The following MCTP1 variants were observed in gnomAD, a reference collection of about 807,000 sequenced individuals.
MCTP1 encodes multiple C2 and transmembrane domain-containing protein 1.
Under a neutral mutation model 120.6 loss-of-function variants are expected in MCTP1, and 69 were observed. The observed-to-expected ratio is 0.57, with a 90% CI of 0.47 to 0.70. The LOEUF is 0.70. Ranked by LOEUF, MCTP1 falls within the 30% of genes least tolerant of loss-of-function variation. The pLI, the probability that MCTP1 is intolerant of heterozygous loss-of-function variation, is 0.00. For missense variants in MCTP1, 1,203 were observed against 1,248.8 expected (o/e 0.96, Z 0.55); for synonymous variants, 529 against 493.1 (o/e 1.07, Z -0.96).
chr5:95,231,465 G>A (rs1364953882), intron 1 of MCTP1, among the ~76,000 whole-genome samples: 1 of 152,106 alleles, frequency 6.6e-6, no homozygotes, highest in East Asian at 1.9e-4. Flanking sequence ...TCTATGATGT[G>A]AATCTATAGT....
At chr5:94,782,703 T>TCA (rs1776818048) in intron 18 of MCTP1, among the ~76,000 whole-genome samples, 1 of 152,040 alleles carries the variant, frequency 6.6e-6, no homozygotes, top group Non-Finnish European at 1.5e-5. Context: ...TCTTTCCTCT[T>TCA]CAAATAAAAC....
At chr5:94,955,506 A>G (rs74890423) in intron 2 of MCTP1, among the ~76,000 whole-genome samples, 1,837 of 152,300 alleles carry the variant, frequency 0.012, 35 homozygotes, top group African/African-American at 0.042. Context: ...CAGAAAGCTA[A>G]GATCCACTGG....
chr5:95,040,277 T>G (rs1581979991), intron 1 of MCTP1, among the ~76,000 whole-genome samples: 1 of 151,686 alleles, frequency 6.6e-6, no homozygotes, highest in African/African-American at 2.4e-5. Context: ...CTCTACTAAA[T>G]ATACAAAAAA....
chr5:95,100,491 T>G (rs1272882154), intron 1 of MCTP1, among the ~76,000 whole-genome samples: 1 of 152,106 alleles, frequency 6.6e-6, no homozygotes, highest in Admixed American at 6.5e-5. Flanking sequence ...AATAAAAAAA[T>G]AAGTTAACTG....
At chr5:95,190,652 A>T (rs992432153) in intron 1 of MCTP1, among the ~76,000 whole-genome samples, 1 of 152,046 alleles carries the variant, frequency 6.6e-6, no homozygotes, top group Non-Finnish European at 1.5e-5. Context: ...CTTACTAAAA[A>T]AAAAACGGGA....
intron 10 of MCTP1, among the ~76,000 whole-genome samples, chr5:94,903,051 T>G (rs1805925418): frequency 6.6e-6 from 1 of 152,208 alleles, no homozygotes; most frequent in Non-Finnish European, 1.5e-5. Context: ...TTGTTTAGGT[T>G]GAGTTTATGA....
intron 1 of MCTP1, among the ~76,000 whole-genome samples, chr5:95,113,892 T>C (rs1297785135): frequency 6.6e-6 from 1 of 152,092 alleles, no homozygotes; most frequent in African/African-American, 2.4e-5. Context: ...TCCTTCTTCT[T>C]GAGTAGAGAA....
chr5:94,737,160 A>G (rs1764458644), intron 19 of MCTP1, among the ~76,000 whole-genome samples: 1 of 151,960 alleles, frequency 6.6e-6, no homozygotes, highest in Non-Finnish European at 1.5e-5. Flanking sequence ...GCTAATTTTT[A>G]AATTTTTTTG....
intron 2 of MCTP1, among the ~76,000 whole-genome samples, chr5:94,967,382 G>A (rs1348647310): frequency 1.3e-5 from 2 of 152,170 alleles, no homozygotes; most frequent in Non-Finnish European, 2.9e-5. Flanking sequence ...GAGTTCTATT[G>A]TTATCTTGAG....
At chr5:95,156,091 G>T (rs1301487215) in intron 1 of MCTP1, among the ~76,000 whole-genome samples, 1 of 152,204 alleles carries the variant, frequency 6.6e-6, no homozygotes, top group Non-Finnish European at 1.5e-5. Flanking sequence ...CCTGATTCCT[G>T]TCAATGATGT....
At chr5:94,737,316 G>T (rs532267953) in intron 19 of MCTP1, among the ~76,000 whole-genome samples, 2 of 152,290 alleles carry the variant, frequency 1.3e-5, no homozygotes, top group African/African-American at 4.8e-5. Flanking sequence ...GATAATGGTA[G>T]TATCTAACAT....
chr5:94,747,815 G>A (rs1014914800), intron 19 of MCTP1, among the ~76,000 whole-genome samples: 5 of 152,084 alleles, frequency 3.3e-5, no homozygotes, highest in African/African-American at 1.2e-4. Context: ...AGGAGGCCAG[G>A]CATGGTGGCT....
chr5:94,893,934 G>A (rs548893607), intron 11 of MCTP1, among the ~76,000 whole-genome samples: 5 of 152,274 alleles, frequency 3.3e-5, no homozygotes, highest in African/African-American at 1.2e-4. Flanking sequence ...CCTTCATTGA[G>A]AGAGAATGGT....
chr5:95,108,281 A>G (rs1261922707), intron 1 of MCTP1, among the ~76,000 whole-genome samples: 1 of 152,176 alleles, frequency 6.6e-6, no homozygotes, highest in Non-Finnish European at 1.5e-5. Flanking sequence ...GTGCGTTACA[A>G]GAGTGGCTAG....
At chr5:94,823,168 T>C (rs1235834195) in intron 17 of MCTP1, among the ~76,000 whole-genome samples, 17 of 152,234 alleles carry the variant, frequency 1.1e-4, no homozygotes, top group Non-Finnish European at 2.9e-5. Flanking sequence ...CTTCCAGGGT[T>C]TTTATGGTTT....
chr5:95,109,549 GA>G (rs897599731), intron 1 of MCTP1, among the ~76,000 whole-genome samples: 15 of 149,268 alleles, frequency 1.0e-4, no homozygotes, highest in East Asian at 3.9e-4. Flanking sequence ...ACCATAAATT[GA>G]AAAAAAAAAT....
intron 18 of MCTP1, among the ~76,000 whole-genome samples, chr5:94,791,000 C>T (rs1374791959): frequency 6.7e-6 from 1 of 150,078 alleles, no homozygotes; most frequent in Non-Finnish European, 1.5e-5. Context: ...GGGCCAGGCG[C>T]GGTGCCTCGC....
At chr5:94,912,651 G>T (rs1310928523) in intron 9 of MCTP1, among the ~76,000 whole-genome samples, 155 bp downstream of exon 9, 1 of 151,990 alleles carries the variant, frequency 6.6e-6, no homozygotes, top group African/African-American at 2.4e-5. Flanking sequence ...ATTTAAAAAT[G>T]CTATACAATT....
At chr5:95,257,613 G>A (rs983165058) in intron 1 of MCTP1, among the ~76,000 whole-genome samples, 1 of 152,056 alleles carries the variant, frequency 6.6e-6, no homozygotes, top group Non-Finnish European at 1.5e-5. Flanking sequence ...CATTAAAAAT[G>A]CTTCCCAATA....
Sources: allele counts gnomAD v4.1 joint callset (sites outside exome capture counted in the v4.1 genomes callset), GRCh38; gene constraint gnomAD v4.1.1; transcripts MANE v1.5; gene names NCBI Gene and HGNC (gene_info 2026-07-23, HGNC 2026-07-21).